The following HK1 variants were observed in gnomAD, a reference collection of about 807,000 sequenced individuals.
HK1 encodes the protein hexokinase 1.
In HK1, 28 loss-of-function variants were observed where a neutral mutation model predicts 91.6. That is an observed-to-expected ratio of 0.31 (90% CI 0.23 to 0.42). The LOEUF is 0.42. HK1 is among the 10% of genes least tolerant of loss of function. The pLI, the probability that HK1 is intolerant of heterozygous loss-of-function variation, is 1.00. For synonymous variants in HK1, 430 were observed against 468.1 expected (o/e 0.92, Z 1.05); for missense variants, 770 against 1,219.8 (o/e 0.63, Z 5.49).
At chr10:69,374,165 C>G (rs1026180160) in intron 7 of HK1, among the ~76,000 whole-genome samples, 4 of 152,230 alleles carry the variant, frequency 2.6e-5, no homozygotes, top group African/African-American at 9.6e-5. Flanking sequence ...TCCATGGAAT[C>G]TCTCGGCAGC....
chr10:69,329,907 TG>T (rs1487132321), intron 1 of HK1, among the ~76,000 whole-genome samples: 8 of 151,876 alleles, frequency 5.3e-5, no homozygotes, highest in Admixed American at 2.6e-4. Flanking sequence ...GGGAAGGAAA[TG>T]GATCCGATAA....
At chr10:69,399,346 C>CA (rs1308648101) in intron 17 of HK1, among the ~76,000 whole-genome samples, 1 of 151,962 alleles carries the variant, frequency 6.6e-6, no homozygotes, top group South Asian at 2.1e-4. Flanking sequence ...CTTGTCTGTA[C>CA]AAAAAAATTT....
intron 3 of HK1, among the ~76,000 whole-genome samples, chr10:69,291,820 G>C (rs926445485): frequency 6.6e-6 from 1 of 152,172 alleles, no homozygotes; most frequent in Middle Eastern, 3.2e-3. Context: ...TAGGTTTCCT[G>C]ACAATTCCAA....
At position 69,369,370 on chromosome 10, in the gene HK1, G is replaced by C; in HGVS notation, c.691+34G>C. ...TTCCCCTTTGCCCATCCATTTGTTC[G>C]GCCCATCTTTCCAGGTGGCTCTGCA... On this transcript the variant is annotated intron_variant, in intron 6 of 17. Transcript: ENST00000359426. The surrounding 1 kb of genome is among the most constrained non-coding windows in gnomAD (Gnocchi z 4.4). 1 of 1,613,456 alleles carries C rather than the reference G, an allele frequency of 6.2e-7. No individual in the cohort carries two copies. Among genetic ancestry groups the C allele is most frequent in the Non-Finnish European group, 8.5e-7 (1 of 1,179,394 alleles).
chr10:69,388,636 A>G (rs1839757441), intron 13 of HK1, among the ~76,000 whole-genome samples: 1 of 152,224 alleles, frequency 6.6e-6, no homozygotes, highest in South Asian at 2.1e-4. Flanking sequence ...ATCCTTCCTC[A>G]TCATTGCATT....
chr10:69,382,694 G>T lies in HK1; in HGVS notation c.1473G>T (p.Met491Ile). Residue 491 changes from methionine (M) to isoleucine (I), a missense_variant, in exon 10 of 18, where the codon ATG (methionine) becomes ATT (isoleucine). Met to Ile is a conservative substitution (Grantham distance 10). Coordinates refer to ENST00000359426, the MANE Select transcript of HK1 (RefSeq NM_000188.3). ...TGCTGCTGGAGGTGAAGAAGAGGAT[G>T]CGGGCCGAGATGGAGCTGGGGCTGA... ...KDMLLEVKKR[M>I]RAEMELGLRK... The T allele has an allele frequency of 6.2e-7, 1 of 1,613,760 alleles. No homozygotes were observed. The highest frequency in any genetic ancestry group is 8.5e-7 in the Non-Finnish European group (1 of 1,179,952).
At chr10:69,391,337 T>C (rs1402206381) in intron 14 of HK1, among the ~76,000 whole-genome samples, 1 of 152,232 alleles carries the variant, frequency 6.6e-6, no homozygotes, top group Admixed American at 6.5e-5. Flanking sequence ...CGACCAACCA[T>C]CCTTGTCGAG....
intron 17 of HK1, 118 bp downstream of exon 17, chr10:69,398,946 G>C (rs893200126): frequency 4.1e-6 from 3 of 725,510 alleles, no homozygotes; most frequent in African/African-American, 1.8e-5. Context: ...CAGGCTGAAG[G>C]CTGTGCGTTC....
intron 1 of HK1, among the ~76,000 whole-genome samples, chr10:69,331,298 G>T (rs1025915234): frequency 1.3e-5 from 2 of 152,232 alleles, no homozygotes; most frequent in African/African-American, 4.8e-5. Flanking sequence ...AGGGGCCTCA[G>T]CCATAAACCT....
At chr10:69,389,674 G>T (rs931540304) in intron 14 of HK1, among the ~76,000 whole-genome samples, 2 of 151,072 alleles carry the variant, frequency 1.3e-5, no homozygotes, top group African/African-American at 2.4e-5. Context: ...ATTGCAGGGG[G>T]ATGGGGTGGG....
intron 7 of HK1, among the ~76,000 whole-genome samples, chr10:69,371,454 G>A (rs1403966709): frequency 6.6e-6 from 1 of 152,052 alleles, no homozygotes; most frequent in Non-Finnish European, 1.5e-5. Flanking sequence ...GAGGTATTCT[G>A]TGACACATGG....
In HK1 at chr10:69,276,116, A is replaced by ATATATAT. The variant is rs1369009775; in HGVS notation, c.-391+6008_-391+6009insTATATAT. On this transcript the variant is annotated intron_variant, in intron 1 of 21. Transcript: ENST00000360289. ...AAAAAAAAAAAAAAAAAAAAAAAAA[A>ATATATAT]AAATACATATATATATATATATACA... Among the ~76,000 whole-genome samples, 23 of 42,560 alleles carry ATATATAT rather than the reference A, an allele frequency of 5.4e-4. 1 individual carries two copies. Among genetic ancestry groups the ATATATAT allele is most frequent in the African/African-American group, 1.1e-3 (16 of 14,042 alleles). 27.9% of individuals were successfully genotyped at this position (42,560 alleles called of 152,430 possible). A position where few individuals can be genotyped will look rare whatever the true frequency, so the allele number is the denominator to read the frequency against.
At chr10:69,391,294 A>C (rs576419598) in intron 14 of HK1, among the ~76,000 whole-genome samples, 1 of 152,332 alleles carries the variant, frequency 6.6e-6, no homozygotes, top group South Asian at 2.1e-4. Context: ...ATCCCAAGGT[A>C]TGTAGGAAAG....
chr10:69,335,129 G>T (rs942375922), intron 1 of HK1, among the ~76,000 whole-genome samples: 1 of 152,168 alleles, frequency 6.6e-6, no homozygotes, highest in Non-Finnish European at 1.5e-5. Context: ...GAGACCGGCT[G>T]CCGAGAGCAG....
At chr10:69,279,598 C>T (rs1010034931) in intron 1 of HK1, among the ~76,000 whole-genome samples, 4 of 152,174 alleles carry the variant, frequency 2.6e-5, no homozygotes, top group Non-Finnish European at 5.9e-5. Context: ...ACATGTTTCT[C>T]CAGAAACTAA....
intron 3 of HK1, among the ~76,000 whole-genome samples, chr10:69,289,988 A>G (rs920761607): frequency 6.6e-6 from 1 of 151,990 alleles, no homozygotes. Flanking sequence ...ACCCTGGAAA[A>G]TGTTTATAGG....
At position 69,398,595 on chromosome 10, in the gene HK1, T is replaced by C; in HGVS notation, c.2376T>C (p.Ser792=). ...FETKFLSQIE[S]DRLALLQVRA... Reference sequence around the variant, plus strand: ...GCCCTCTGGCTCTTGTCCCCCACAGTGACCGATTAGCACTGCTCCAGGTCC... The same window carrying C: ...GCCCTCTGGCTCTTGTCCCCCACAGCGACCGATTAGCACTGCTCCAGGTCC... The change falls in exon 17 of 18, where the codon AGT becomes AGC. Residue 792 remains serine, a splice_region_variant and synonymous_variant. Coordinates refer to ENST00000359426, the MANE Select transcript of HK1 (RefSeq NM_000188.3). 6.2e-7 allele frequency: 1 copy of C among 1,612,684 alleles called. No individual in the cohort carries two copies. Among genetic ancestry groups the C allele is most frequent in the East Asian group, 2.2e-5 (1 of 44,878 alleles).
At chr10:69,382,454 G>T in intron 9 of HK1, 33 bp from the exon 10 acceptor site, 1 of 1,609,384 alleles carries the variant, frequency 6.2e-7, no homozygotes, top group Non-Finnish European at 8.5e-7. Flanking sequence ...GCTCAGTCCA[G>T]CTGTTGTGGA....
At chr10:69,287,588 T>C (rs1239558085) in intron 2 of HK1, among the ~76,000 whole-genome samples, 1 of 152,166 alleles carries the variant, frequency 6.6e-6, no homozygotes, top group Non-Finnish European at 1.5e-5. Flanking sequence ...AGATTAGTGG[T>C]TGCCAGGGGC....
Sources: allele counts gnomAD v4.1 joint callset (sites outside exome capture counted in the v4.1 genomes callset), GRCh38; gene constraint gnomAD v4.1.1; non-coding constraint Gnocchi (gnomAD v3.1); transcripts MANE v1.5; gene names NCBI Gene and HGNC (gene_info 2026-07-23, HGNC 2026-07-21).